Variants in GALNT7 observed in about 807,000 individuals in gnomAD.
GALNT7 encodes the protein polypeptide N-acetylgalactosaminyltransferase 7.
A neutral mutation model predicts 82.1 loss-of-function variants in GALNT7; 60 were observed. The observed-to-expected ratio is 0.73, with a 90% CI of 0.59 to 0.91. GALNT7 has a LOEUF of 0.91. GALNT7 is among the 40% of genes least tolerant of loss of function. The pLI, the probability that GALNT7 is intolerant of heterozygous loss-of-function variation, is 0.00. For synonymous variants in GALNT7, 243 were observed against 275.1 expected, an observed-to-expected ratio of 0.88 and a Z score of 1.15; for missense variants, 660 against 804.2, an observed-to-expected ratio of 0.82 and a Z score of 2.17.
intron 1 of GALNT7, among the ~76,000 whole-genome samples, chr4:173,241,328 A>G (rs1734428488): frequency 6.6e-6 from 1 of 152,196 alleles, no homozygotes; most frequent in South Asian, 2.1e-4. Context: ...AATTATACTA[A>G]TGATGTGGGA....
At chr4:173,183,200 A>C (rs771903520) in intron 1 of GALNT7, among the ~76,000 whole-genome samples, 2 of 152,158 alleles carry the variant, frequency 1.3e-5, no homozygotes, top group Admixed American at 6.5e-5. Context: ...TTCTAAAATT[A>C]GAGATAATGG....
intron 1 of GALNT7, among the ~76,000 whole-genome samples, chr4:173,242,960 T>C (rs1216729755): frequency 1.3e-5 from 2 of 152,218 alleles, no homozygotes; most frequent in South Asian, 2.1e-4. Flanking sequence ...AAGTTTGGCT[T>C]GTTATACCTT....
intron 1 of GALNT7, among the ~76,000 whole-genome samples, chr4:173,176,785 GA>G (rs1732058821): frequency 6.6e-6 from 1 of 152,220 alleles, no homozygotes; most frequent in Non-Finnish European, 1.5e-5. Context: ...TTGGGTTGGA[GA>G]GGGGTGGAAT....
intron 1 of GALNT7, chr4:173,169,791 G>A (rs1731792449): frequency 6.6e-6 from 1 of 152,028 alleles, no homozygotes; most frequent in Non-Finnish European, 1.5e-5. Context: ...CGGGGGAAGA[G>A]GAGCAGTTCC....
Position 173,182,925 on chromosome 4 carries a change from T to TACACACACACACACACACACACAC in GALNT7, c.126+13986_126+13987insACACACACACACACACACACACAC, listed in dbSNP as rs61378172. ...GATGAGGCTAGCAGGTTACTCATAATACACACACACACACACACACACTCT... is the reference window on the plus strand; with the variant it reads ...GATGAGGCTAGCAGGTTACTCATAATACACACACACACACACACACACACACACACACACACACACACACACTCT... On this transcript the variant is annotated intron_variant, in intron 1 of 11. Coordinates refer to ENST00000265000, the MANE Select transcript of GALNT7 (RefSeq NM_017423.3). Among the ~76,000 whole-genome samples, 20 of 134,298 alleles carry TACACACACACACACACACACACAC rather than the reference T, an allele frequency of 1.5e-4. 1 individual carries two copies. The highest frequency in any genetic ancestry group is 5.8e-4 in the African/African-American group (20 of 34,222). 88.1% of individuals were successfully genotyped at this position (134,298 alleles called of 152,430 possible).
At chr4:173,311,523 G>A (rs1469688153) in intron 8 of GALNT7, among the ~76,000 whole-genome samples, 3 of 152,206 alleles carry the variant, frequency 2.0e-5, no homozygotes. Context: ...AATGCAAAGG[G>A]GGAGCAAGGC....
intron 2 of GALNT7, among the ~76,000 whole-genome samples, chr4:173,277,223 G>A (rs1735944015): frequency 1.3e-5 from 2 of 152,152 alleles, no homozygotes; most frequent in Admixed American, 6.6e-5. Context: ...GGGGTGGTGC[G>A]AGCTACTAGT....
At position 173,320,224 on chromosome 4, in the gene GALNT7, C is replaced by CT. The variant is rs1737757253; in HGVS notation, c.1837-1353dup. On this transcript the variant is annotated intron_variant, in intron 11 of 11. Transcript: ENST00000265000. The surrounding 1 kb of genome is among the most constrained non-coding windows in gnomAD (Gnocchi z 4.1). ...TCAAACTTTCTGTCCTCTGGATTCC[C>CT]TTTACACTCTTAAAAATTTTTGAGC... Among the ~76,000 whole-genome samples, 1 of 151,910 alleles carries CT rather than the reference C, an allele frequency of 6.6e-6. No homozygotes were observed. Among genetic ancestry groups the CT allele is most frequent in the African/African-American group, 2.4e-5 (1 of 41,350 alleles).
intron 1 of GALNT7, among the ~76,000 whole-genome samples, chr4:173,223,253 A>G (rs755273045): frequency 6.6e-6 from 1 of 152,328 alleles, no homozygotes; most frequent in East Asian, 1.9e-4. Context: ...TTTAAATGCA[A>G]TAAACTTCCC....
chr4:173,283,377 T>C lies in GALNT7; in HGVS notation c.588-8731T>C, dbSNP rs202065037. Among the ~76,000 whole-genome samples, 6 of 152,264 alleles carry C rather than the reference T, an allele frequency of 3.9e-5. No homozygotes were observed. In the East Asian group the frequency reaches 1.2e-3, roughly 29 times the overall value. ...TCTAAAGCCGATCTAGACGTGGTCA[T>C]GCCTCTAATCCCAGCACTTTGGGAG... On this transcript the variant is annotated intron_variant, in intron 2 of 11. Coordinates refer to ENST00000265000, the MANE Select transcript of GALNT7 (RefSeq NM_017423.3).
chr4:173,295,094 C>T (rs1267973357), intron 3 of GALNT7, among the ~76,000 whole-genome samples: 1 of 152,146 alleles, frequency 6.6e-6, no homozygotes, highest in Non-Finnish European at 1.5e-5. Context: ...TCAGATTTGA[C>T]ATTAACATGT....
At chr4:173,298,016 A>T (rs755889502) in intron 5 of GALNT7, 99 bp from the exon 6 acceptor site, 20 of 1,539,086 alleles carry the variant, frequency 1.3e-5, no homozygotes, top group Non-Finnish European at 1.7e-5. Flanking sequence ...TTGAATGTTT[A>T]TCTAAGTTCT....
At chr4:173,288,249 C>G (rs1176061217) in intron 2 of GALNT7, among the ~76,000 whole-genome samples, 3 of 129,624 alleles carry the variant, frequency 2.3e-5, no homozygotes, top group African/African-American at 9.6e-5. Flanking sequence ...CGCCACTGCA[C>G]TCCAGCCTGG....
chr4:173,191,845 A>T (rs1036660355), intron 1 of GALNT7, among the ~76,000 whole-genome samples: 1 of 152,146 alleles, frequency 6.6e-6, no homozygotes, highest in Non-Finnish European at 1.5e-5. Flanking sequence ...TGACTCATCG[A>T]AAAACTACTT....
chr4:173,215,947 T>TAAAAATAA (rs773400962), intron 1 of GALNT7, among the ~76,000 whole-genome samples: 1 of 151,846 alleles, frequency 6.6e-6, no homozygotes, highest in South Asian at 2.1e-4. Context: ...CTTCTCTCTC[T>TAAAAATAA]AAAAATAAAA....
chr4:173,207,877 C>T (rs899765229), intron 1 of GALNT7, among the ~76,000 whole-genome samples: 1 of 152,160 alleles, frequency 6.6e-6, no homozygotes, highest in Non-Finnish European at 1.5e-5. Context: ...ATTTTCATTT[C>T]AGATTTTGTC....
chr4:173,279,841 G>A (rs1736046612), intron 2 of GALNT7, among the ~76,000 whole-genome samples: 1 of 152,086 alleles, frequency 6.6e-6, no homozygotes, highest in Non-Finnish European at 1.5e-5. Flanking sequence ...CAGGTGTGGT[G>A]GCGCGTACCT....
Position 173,317,704 on chromosome 4 carries a change from G to C in GALNT7, c.1679G>C (p.Gly560Ala), listed in dbSNP as rs1347165327. 1.2e-6 allele frequency: 2 copies of C among 1,612,158 alleles called. No individual in the cohort carries two copies. The highest frequency in any genetic ancestry group is 1.3e-5 in the African/African-American group (1 of 74,866). ...ACAAATGGAGGCTTTGTTGAACTAG[G>C]ACCCTGCCACAGGATGGGAGGGAAT... ...GKTNGGFVEL[G>A]PCHRMGGNQL... is the part of the protein sequence containing the mutation. Residue 560 changes from glycine to alanine, a missense_variant, in exon 10 of 12, where the codon GGA (glycine) becomes GCA (alanine). Coordinates refer to ENST00000265000, the MANE Select transcript of GALNT7 (RefSeq NM_017423.3).
intron 1 of GALNT7, among the ~76,000 whole-genome samples, chr4:173,230,687 A>G (rs1158610012): frequency 7.9e-5 from 12 of 152,150 alleles, no homozygotes; most frequent in South Asian, 2.1e-4. Context: ...TGTCCTAGAA[A>G]ACAGACTGTT....
Sources: allele counts gnomAD v4.1 joint callset (sites outside exome capture counted in the v4.1 genomes callset), GRCh38; gene constraint gnomAD v4.1.1; non-coding constraint Gnocchi (gnomAD v3.1); transcripts MANE v1.5; gene names NCBI Gene and HGNC (gene_info 2026-07-23, HGNC 2026-07-21).